Variants in KDM1B observed in about 807,000 individuals in gnomAD.
KDM1B encodes the protein lysine-specific histone demethylase 2.
Under a neutral mutation model 107.4 loss-of-function variants are expected in KDM1B, and 63 were observed. That is an observed-to-expected ratio of 0.59 (90% CI 0.48 to 0.72). KDM1B has a LOEUF of 0.72. Ranked by LOEUF, KDM1B falls within the 30% of genes least tolerant of loss-of-function variation. The pLI, the probability that KDM1B is intolerant of heterozygous loss-of-function variation, is 0.00. For synonymous variants in KDM1B, 363 were observed against 363.9 expected (o/e 1.00, Z 0.03); for missense variants, 749 against 1,020.8 (o/e 0.73, Z 3.63).
At chr6:18,157,454 G>GA (rs2150742416) in intron 2 of KDM1B, among the ~76,000 whole-genome samples, 1 of 152,200 alleles carries the variant, frequency 6.6e-6, no homozygotes, top group South Asian at 2.1e-4. Context: ...GAAATTTCAG[G>GA]AAACTATACT....
chr6:18,192,007 C>T (rs955056325), intron 10 of KDM1B, among the ~76,000 whole-genome samples: 1 of 152,226 alleles, frequency 6.6e-6, no homozygotes, highest in Middle Eastern at 3.4e-3. Context: ...GTCTGTAATT[C>T]CAGCACTTTG....
At position 18,223,221 on chromosome 6, in the gene KDM1B, CT is replaced by C. The variant is rs1268356275; in HGVS notation, c.*1231del. 6.6e-6 allele frequency: 1 copy of C among 152,444 alleles called. No homozygotes were observed. Among genetic ancestry groups the C allele is most frequent in the African/African-American group, 2.4e-5 (1 of 41,390 alleles). The allele number at this position is 152,444 out of a possible 1,614,324, so 9.4% of individuals were successfully genotyped here. A position where few individuals can be genotyped will look rare whatever the true frequency, so the allele number is the denominator to read the frequency against. On this transcript the variant is annotated 3_prime_UTR_variant, in exon 22 of 22. Coordinates refer to ENST00000650836, the MANE Select transcript of KDM1B (RefSeq NM_001364614.2). ...GGGACTAAATATGACTTTAAAGAGACTTCAAAATATTGAGTATTTTAAAAAT... is the reference window on the plus strand; with the variant it reads ...GGGACTAAATATGACTTTAAAGAGACTCAAAATATTGAGTATTTTAAAAAT...
At chr6:18,190,899 C>CA (rs568735839) in intron 9 of KDM1B, among the ~76,000 whole-genome samples, 18,257 of 125,150 alleles carry the variant, frequency 0.15, 2,498 homozygotes, top group African/African-American at 0.38. Flanking sequence ...GACTCTGTCT[C>CA]AAAAAAAAAA....
chr6:18,215,172 T>C (rs1321970232), intron 20 of KDM1B, 43 bp downstream of exon 20: 2 of 1,592,342 alleles, frequency 1.3e-6, no homozygotes, highest in African/African-American at 2.7e-5. Flanking sequence ...AAGCCGTGCT[T>C]GCTATCCAGA....
At position 18,200,664 on chromosome 6, in the gene KDM1B, TA is replaced by T; in HGVS notation, c.1359+91del. On this transcript the variant is annotated intron_variant, in intron 13 of 21. Transcript: ENST00000650836. This position sits in a 1 kb window ranked among gnomAD's most constrained non-coding sequence, Gnocchi z 4.3. ...GTGCAGTATTAATATGCTTCTAAAG[TA>T]AATTACATATAACAGCCCCCTCATC... The T allele has an allele frequency of 8.2e-7, 1 of 1,224,134 alleles. No homozygotes were observed. The highest frequency in any genetic ancestry group is 1.1e-6 in the Non-Finnish European group (1 of 886,392). 75.8% of individuals were successfully genotyped at this position (1,224,134 alleles called of 1,614,324 possible).
chr6:18,172,414 G>T lies in KDM1B; in HGVS notation c.534+935G>T, dbSNP rs1389389296. ...CCCTTTTAAAGCATACAATTGAGTGGCTGTGGTGCAGGTTGAGCACCCTAG... is the reference window on the plus strand; with the variant it reads ...CCCTTTTAAAGCATACAATTGAGTGTCTGTGGTGCAGGTTGAGCACCCTAG... On this transcript the variant is annotated intron_variant, in intron 7 of 21. Transcript: ENST00000650836. This position sits in a 1 kb window ranked among gnomAD's most constrained non-coding sequence, Gnocchi z 5.2. Among the ~76,000 whole-genome samples, 1 of 152,110 alleles carries T rather than the reference G, an allele frequency of 6.6e-6. No individual in the cohort carries two copies. The highest frequency in any genetic ancestry group is 2.4e-5 in the African/African-American group (1 of 41,420).
At chr6:18,181,875 C>T (rs1286572380) in intron 7 of KDM1B, among the ~76,000 whole-genome samples, 2 of 151,830 alleles carry the variant, frequency 1.3e-5, no homozygotes, top group African/African-American at 4.8e-5. Context: ...TTATATAACA[C>T]TTCCTTTTCT....
Position 18,223,253 on chromosome 6 carries a change from A to C in KDM1B, c.*1261A>C, listed in dbSNP as rs972400755. The C allele has an allele frequency of 6.6e-6, 1 of 152,574 alleles. No individual in the cohort carries two copies. Among genetic ancestry groups the C allele is most frequent in the Non-Finnish European group, 1.5e-5 (1 of 68,034 alleles). The allele number at this position is 152,574 out of a possible 1,614,324, so 9.5% of individuals were successfully genotyped here. A position where few individuals can be genotyped will look rare whatever the true frequency, so the allele number is the denominator to read the frequency against. On this transcript the variant is annotated 3_prime_UTR_variant, in exon 22 of 22. Coordinates refer to ENST00000650836, the MANE Select transcript of KDM1B (RefSeq NM_001364614.2). Reference sequence around the variant, plus strand: ...ATATTGAGTATTTTAAAAATTTAAAAGTAGGTCAGTTTATAACGAGTAAAT... The same window carrying C: ...ATATTGAGTATTTTAAAAATTTAAACGTAGGTCAGTTTATAACGAGTAAAT...
At chr6:18,198,653 A>AC (rs57973574) in intron 12 of KDM1B, among the ~76,000 whole-genome samples, 5 of 96,250 alleles carry the variant, frequency 5.2e-5, no homozygotes, top group South Asian at 7.1e-4. Flanking sequence ...AAAAAAAAAA[A>AC]AAAACAAAAC....
rs374747742 is a variant in KDM1B at position 18,200,567 on chromosome 6, G to A, written c.1350G>A (p.Met450Ile). ...GTATTAACAACCCAGTAGCATTAAT[G>A]TGTGAACAAGTGAGTTTCTTTTAGC... is the stretch of plus-strand genomic sequence containing the variant. ...NGCINNPVAL[M>I]CEQLGISMHK... Residue 450 changes from methionine (M) to isoleucine (I), a missense_variant, in exon 13 of 22, where the codon ATG becomes ATA. Physicochemically the swap from Met to Ile is conservative, Grantham distance 10 (BLOSUM62 1). Transcript: ENST00000650836. The surrounding 1 kb of genome is among the most constrained non-coding windows in gnomAD (Gnocchi z 4.3). 9.3e-6 allele frequency: 15 copies of A among 1,608,708 alleles called. No homozygotes were observed. Among genetic ancestry groups the A allele is most frequent in the Middle Eastern group, 1.7e-4 (1 of 6,054 alleles).
At chr6:18,199,950 C>T (rs558011442) in intron 12 of KDM1B, among the ~76,000 whole-genome samples, 1 of 152,310 alleles carries the variant, frequency 6.6e-6, no homozygotes, top group African/African-American at 2.4e-5. Flanking sequence ...ACAATCTCTG[C>T]TCCCTGCAGC....
intron 14 of KDM1B, among the ~76,000 whole-genome samples, chr6:18,202,252 G>T (rs530741849): frequency 6.6e-6 from 1 of 151,578 alleles, no homozygotes; most frequent in South Asian, 2.1e-4. Context: ...AAAGGGCGGG[G>T]GGCAAGCATG....
chr6:18,164,795 G>A (rs1382679963), intron 5 of KDM1B, among the ~76,000 whole-genome samples: 4 of 151,910 alleles, frequency 2.6e-5, no homozygotes, highest in East Asian at 1.9e-4. Flanking sequence ...ACAGGTGTGC[G>A]CCACCATGCC....
intron 6 of KDM1B, among the ~76,000 whole-genome samples, chr6:18,168,889 T>G (rs1242127656): frequency 2.0e-5 from 3 of 152,238 alleles, no homozygotes; most frequent in Non-Finnish European, 4.4e-5. Flanking sequence ...TTGTCGTCTT[T>G]GAGATGGAGT....
rs1789023460 is a variant in KDM1B at position 18,213,734 on chromosome 6, G to A, written c.2062G>A (p.Ala688Thr). 1 of 1,614,016 alleles carries A rather than the reference G, an allele frequency of 6.2e-7. No individual in the cohort carries two copies. Among genetic ancestry groups the A allele is most frequent in the Non-Finnish European group, 8.5e-7 (1 of 1,179,864 alleles). ...CTTTTTTGGTCACGTTCCTCCCAGT[G>A]CCAGCAAGCGAGGGCTTTTTGCCGT... is the stretch of plus-strand genomic sequence containing the variant. ...ADFFGHVPPS[A>T]SKRGLFAVFY... is the part of the protein sequence containing the mutation. The change falls in exon 19 of 22, where the codon GCC becomes ACC. Residue 688 changes from alanine (A) to threonine (T), a missense_variant. By Grantham distance (58) the Ala-to-Thr change is moderately conservative (BLOSUM62 0). Transcript: ENST00000650836. The surrounding 1 kb of genome is among the most constrained non-coding windows in gnomAD (Gnocchi z 5.9).
intron 7 of KDM1B, among the ~76,000 whole-genome samples, chr6:18,181,439 C>T (rs1337591303): frequency 2.6e-5 from 4 of 152,056 alleles, no homozygotes; most frequent in East Asian, 1.9e-4. Context: ...TTTCTAAAAA[C>T]TCTCTAAAAG....
chr6:18,166,329 C>A lies in KDM1B; in HGVS notation c.368C>A (p.Thr123Asn). 1.9e-6 allele frequency: 3 copies of A among 1,613,354 alleles called. No individual in the cohort carries two copies. Among genetic ancestry groups the A allele is most frequent in the Non-Finnish European group, 2.5e-6 (3 of 1,179,428 alleles). ...AAAATATGGACTAGCAATGGCAAAA[C>A]CGAACCTAGTCCCAAAGCTTTCATG... Reference protein sequence around the residue: ...WKKIWTSNGKTEPSPKAFMAD... With the variant: ...WKKIWTSNGKNEPSPKAFMAD... Residue 123 changes from threonine to asparagine, a missense_variant, in exon 6 of 22, where the codon ACC becomes AAC. Thr to Asn is a moderately conservative substitution (Grantham distance 65, BLOSUM62 0). Transcript: ENST00000650836.
intron 14 of KDM1B, among the ~76,000 whole-genome samples, chr6:18,202,385 G>T (rs1476493857): frequency 6.6e-6 from 1 of 151,344 alleles, no homozygotes; most frequent in African/African-American, 2.4e-5. Flanking sequence ...GGGCAATGAA[G>T]CAAGACCCTA....
Position 18,172,165 on chromosome 6 carries a change from T to C in KDM1B, c.534+686T>C, listed in dbSNP as rs903512259. 1.3e-5 allele frequency among the ~76,000 whole-genome samples: 2 copies of C among 152,196 alleles called. No individual in the cohort carries two copies. Among genetic ancestry groups the C allele is most frequent in the Non-Finnish European group, 2.9e-5 (2 of 68,038 alleles). ...AAAGATTAATTGATATGCTTGGCAA[T>C]TAGGAATCGGCCATCGTTGTTATAA... is the stretch of plus-strand genomic sequence containing the variant. On this transcript the variant is annotated intron_variant, in intron 7 of 21. Transcript: ENST00000650836. This position sits in a 1 kb window ranked among gnomAD's most constrained non-coding sequence, Gnocchi z 5.2.
Sources: allele counts gnomAD v4.1 joint callset (sites outside exome capture counted in the v4.1 genomes callset), GRCh38; gene constraint gnomAD v4.1.1; non-coding constraint Gnocchi (gnomAD v3.1); transcripts MANE v1.5; gene names NCBI Gene and HGNC (gene_info 2026-07-23, HGNC 2026-07-21).